Variants in ACAN observed in about 807,000 individuals in gnomAD.
The protein encoded by ACAN is aggrecan core protein.
ACAN carries 47 observed loss-of-function variants against 169.1 expected under a neutral mutation model. The ratio of observed to expected loss-of-function variants is 0.28; its 90% CI spans 0.22 to 0.35. ACAN has a LOEUF of 0.35. ACAN is among the 10% of genes least tolerant of loss of function. The pLI is 1.00. For missense variants in ACAN, 2,716 were observed against 2,759.9 expected, an observed-to-expected ratio of 0.98 and a Z score of 0.36; for synonymous variants, 1,115 against 1,112.2, an observed-to-expected ratio of 1.00 and a Z score of -0.05.
Position 88,858,806 on chromosome 15 carries a change from C to T in ACAN, c.6221C>T (p.Ser2074Phe). The change falls in exon 12 of 19, where the codon TCC (serine) becomes TTC (phenylalanine). Residue 2074 changes from serine (S) to phenylalanine (F), a missense_variant. Around this residue, in one of 3 missense-constraint regions of ACAN, gnomAD observed 1,389 missense variants for 1,363.7 expected, o/e 1.02. Transcript: ENST00000560601. This position sits in a 1 kb window ranked among gnomAD's most constrained non-coding sequence, Gnocchi z 4.0. ...PQLFESSGKVSTAGDISGATP... is the reference protein window; with the variant it reads ...PQLFESSGKVFTAGDISGATP... The stretch of plus-strand genomic sequence containing the variant: ...CTTTTTGAGTCCAGTGGAAAAGTCT[C>T]CACAGCTGGGGACATTAGTGGAGCT... The T allele has an allele frequency of 1.2e-6, 2 of 1,613,868 alleles. No individual in the cohort carries two copies. Among genetic ancestry groups the T allele is most frequent in the African/African-American group, 1.3e-5 (1 of 75,048 alleles).
chr15:88,839,293 C>A lies in ACAN; in HGVS notation c.454+247C>A, dbSNP rs1896589717. Among the ~76,000 whole-genome samples the A allele has an allele frequency of 6.6e-6, 1 of 152,218 alleles. No homozygotes were observed. The highest frequency in any genetic ancestry group is 2.1e-4 in the South Asian group (1 of 4,830). ...CTGACAGTTTGTGCTTCCCAAGAAT[C>A]CTGTGATCCGGTGGGTCTTGTGATC... is the stretch of plus-strand genomic sequence containing the variant. On this transcript the variant is annotated intron_variant, in intron 3 of 18. Transcript: ENST00000560601. This position sits in a 1 kb window ranked among gnomAD's most constrained non-coding sequence, Gnocchi z 4.5.
intron 1 of ACAN, among the ~76,000 whole-genome samples, chr15:88,815,688 C>T (rs576571007): frequency 4.1e-3 from 577 of 139,744 alleles, no homozygotes; most frequent in Non-Finnish European, 6.7e-3. Flanking sequence ...AAAGAAGGAG[C>T]CATTGAGATC....
rs137862732 is a variant in ACAN, at chr15:88,830,045, G to T, written c.-7-6155G>T. Among the ~76,000 whole-genome samples the T allele has an allele frequency of 4.3e-4, 65 of 150,556 alleles. 1 individual carries two copies. The East Asian group carries it at 0.012, about 28-fold the overall frequency. The stretch of plus-strand genomic sequence containing the variant: ...GAGGTTTCAGGGAGGAGGCCTGCAG[G>T]ATCTGGGAGAGGAGGGTGGGCGTTC... On this transcript the variant is annotated intron_variant, in intron 1 of 18. Transcript: ENST00000560601.
At chr15:88,815,700 G>C (rs544064871) in intron 1 of ACAN, among the ~76,000 whole-genome samples, 12 of 129,158 alleles carry the variant, frequency 9.3e-5, no homozygotes, top group Admixed American at 4.9e-4. Context: ...ATTGAGATCA[G>C]ACATAGGAAA....
chr15:88,806,103 A>G (rs1282409055), intron 1 of ACAN, among the ~76,000 whole-genome samples: 2 of 152,194 alleles, frequency 1.3e-5, no homozygotes, highest in East Asian at 3.8e-4. Flanking sequence ...AAGGGTACTG[A>G]GCCTCCCAGA....
At position 88,868,396 on chromosome 15, in the gene ACAN, C is replaced by T. The variant is rs1897315327; in HGVS notation, c.7060+67C>T. ...ACCCCCTCCTCCTCCCTCACCTTTC[C>T]CTCCTAACAACAGGCTCCAGGCCCT... On this transcript the variant is annotated intron_variant, in intron 14 of 18. Coordinates refer to ENST00000560601, the MANE Select transcript of ACAN (RefSeq NM_001369268.1). This position sits in a 1 kb window ranked among gnomAD's most constrained non-coding sequence, Gnocchi z 5.2. 5 of 673,446 alleles carry T rather than the reference C, an allele frequency of 7.4e-6. No individual in the cohort carries two copies. Among genetic ancestry groups the T allele is most frequent in the African/African-American group, 1.8e-5 (1 of 56,710 alleles). 41.7% of individuals were successfully genotyped at this position (673,446 alleles called of 1,614,324 possible).
intron 1 of ACAN, among the ~76,000 whole-genome samples, chr15:88,827,922 C>T (rs1417059600): frequency 1.2e-4 from 19 of 152,128 alleles, no homozygotes; most frequent in Admixed American, 1.2e-3. Flanking sequence ...TGTCTGACTC[C>T]CAATCATGCT....
intron 11 of ACAN, among the ~76,000 whole-genome samples, chr15:88,854,243 G>GC (rs1343586175): frequency 6.6e-6 from 1 of 152,210 alleles, no homozygotes. Context: ...ACTGAAGTGA[G>GC]CCCCAGCATC....
At position 88,849,787 on chromosome 15, in the gene ACAN, G is replaced by A. The variant is rs773386073; in HGVS notation, c.2026+56G>A. On this transcript the variant is annotated intron_variant, in intron 10 of 18. Coordinates refer to ENST00000560601, the MANE Select transcript of ACAN (RefSeq NM_001369268.1). The surrounding 1 kb of genome is among the most constrained non-coding windows in gnomAD (Gnocchi z 5.1). ...CCTTTTGTCTGGAGAGGACCCCACTGGGTTCACCGGATCCTGCCACCACCC... is the reference window on the plus strand; with the variant it reads ...CCTTTTGTCTGGAGAGGACCCCACTAGGTTCACCGGATCCTGCCACCACCC... 28 of 1,583,146 alleles carry A rather than the reference G, an allele frequency of 1.8e-5. No individual in the cohort carries two copies. The highest frequency in any genetic ancestry group is 2.2e-5 in the Non-Finnish European group (26 of 1,164,224).
intron 1 of ACAN, among the ~76,000 whole-genome samples, chr15:88,816,639 T>A (rs533338538): frequency 6.6e-6 from 1 of 152,342 alleles, no homozygotes; most frequent in Non-Finnish European, 1.5e-5. Context: ...AGTTCATGGT[T>A]GCCTGGCTGT....
rs764597335 is a variant in ACAN at position 88,868,826 on chromosome 15, G to A, written c.7060+497G>A. On this transcript the variant is annotated intron_variant, in intron 14 of 18. Transcript: ENST00000560601. The surrounding 1 kb of genome is among the most constrained non-coding windows in gnomAD (Gnocchi z 5.2). ...GGCAAGAGCTGTGGTTGGTCTGCCTGAGATCTCCCGTGTCATCAGCATGCT... is the reference window on the plus strand; with the variant it reads ...GGCAAGAGCTGTGGTTGGTCTGCCTAAGATCTCCCGTGTCATCAGCATGCT... Among the ~76,000 whole-genome samples, 1 of 152,204 alleles carries A rather than the reference G, an allele frequency of 6.6e-6. No individual in the cohort carries two copies. The highest frequency in any genetic ancestry group is 1.5e-5 in the Non-Finnish European group (1 of 68,044).
Position 88,851,800 on chromosome 15 carries a change from C to A in ACAN, c.2033C>A (p.Ser678Ter). 6.3e-7 allele frequency: 1 copy of A among 1,591,110 alleles called. No homozygotes were observed. ...CCACCCACATCTCCTTTAGGCATTT[C>A]AGCGGTTCCTTCTCCAGGAGAAGAA... ...RHHAFCFRGI[S>*]AVPSPGEEEG... Residue 678 changes from serine to a stop codon, truncating the protein, a stop_gained, in exon 11 of 19, where the codon TCA becomes TAA. Transcript: ENST00000560601. LOFTEE classifies it high-confidence loss of function. This position sits in a 1 kb window ranked among gnomAD's most constrained non-coding sequence, Gnocchi z 4.3.
Position 88,847,555 on chromosome 15 carries a change from C to T in ACAN, c.1604+138C>T, listed in dbSNP as rs1278550710. On this transcript the variant is annotated intron_variant, in intron 8 of 18. Transcript: ENST00000560601. ...GAATGAATTAGTGACTCAACTGAGG[C>T]ATATCCCGAAAGGGTGGTGAAGGGC... The T allele has an allele frequency of 7.2e-6, 8 of 1,103,666 alleles. No homozygotes were observed. The South Asian group carries it at 1.3e-4, about 18-fold the overall frequency. 68.4% of individuals were successfully genotyped at this position (1,103,666 alleles called of 1,614,324 possible).
intron 1 of ACAN, among the ~76,000 whole-genome samples, chr15:88,804,854 G>T (rs1895637564): frequency 1.3e-5 from 2 of 152,326 alleles, no homozygotes; most frequent in South Asian, 4.1e-4. Context: ...GTTCTGTGGG[G>T]CTGGCTGCCA....
Position 88,858,923 on chromosome 15 carries a change from C to T in ACAN, c.6338C>T (p.Ala2113Val), listed in dbSNP as rs1445680518. 9.9e-6 allele frequency: 16 copies of T among 1,608,988 alleles called. No individual in the cohort carries two copies. Among genetic ancestry groups the T allele is most frequent in the Non-Finnish European group, 1.4e-5 (16 of 1,176,430 alleles). Reference protein sequence around the residue: ...TSAYPEAGFGASAAPEASRED... With the variant: ...TSAYPEAGFGVSAAPEASRED... ...GCCTATCCTGAAGCTGGGTTCGGGGCATCTGCCGCCCCTGAGGCCAGCAGA... is the reference window on the plus strand; with the variant it reads ...GCCTATCCTGAAGCTGGGTTCGGGGTATCTGCCGCCCCTGAGGCCAGCAGA... The change falls in exon 12 of 19, where the codon GCA becomes GTA. Residue 2113 changes from alanine (A) to valine (V), a missense_variant. Physicochemically the swap from Ala to Val is moderately conservative, Grantham distance 64 (BLOSUM62 0). This residue lies in a region of ACAN where 1,389 missense variants were observed against 1,363.7 expected (regional missense o/e 1.02). Transcript: ENST00000560601. This position sits in a 1 kb window ranked among gnomAD's most constrained non-coding sequence, Gnocchi z 4.0.
chr15:88,859,049 C>A lies in ACAN; in HGVS notation c.6464C>A (p.Thr2155Lys), dbSNP rs1375084314. The change falls in exon 12 of 19, where the codon ACA becomes AAA. Residue 2155 changes from threonine (T) to lysine (K), a missense_variant. By Grantham distance (78) the Thr-to-Lys change is moderately conservative. Coordinates refer to ENST00000560601, the MANE Select transcript of ACAN (RefSeq NM_001369268.1). Reference protein sequence around the residue: ...SGLGVSGSTLTFQEGEASAAP... With the variant: ...SGLGVSGSTLKFQEGEASAAP... ...CTAGGAGTGAGCGGCAGCACTTTGA[C>A]ATTTCAAGAAGGCGAGGCGTCCGCT... 1.2e-6 allele frequency: 2 copies of A among 1,613,872 alleles called. No homozygotes were observed. The highest frequency in any genetic ancestry group is 1.7e-6 in the Non-Finnish European group (2 of 1,179,912).
intron 13 of ACAN, among the ~76,000 whole-genome samples, chr15:88,862,156 C>T (rs949699812): frequency 5.3e-5 from 8 of 152,298 alleles, no homozygotes; most frequent in African/African-American, 1.4e-4. Context: ...TTCAGGGGAG[C>T]CAGAATGGGG....
intron 10 of ACAN, chr15:88,850,747 C>T (rs1567181905): frequency 6.6e-6 from 1 of 152,076 alleles, no homozygotes. Context: ...CGAGATCAGC[C>T]TGGCCAACAT....
chr15:88,843,589 A>C lies in ACAN; in HGVS notation c.992A>C (p.His331Pro). 6.2e-7 allele frequency: 1 copy of C among 1,605,670 alleles called. No homozygotes were observed. ...NLLGVRTVYV[H>P]ANQTGYPDPS... ...CTGGGCGTGAGGACCGTCTACGTGC[A>C]TGCCAACCAGACGGGCTACCCCGAC... The change falls in exon 6 of 19, where the codon CAT (histidine) becomes CCT (proline). Residue 331 changes from histidine to proline, a missense_variant. Physicochemically the swap from His to Pro is moderately conservative, Grantham distance 77. Coordinates refer to ENST00000560601, the MANE Select transcript of ACAN (RefSeq NM_001369268.1). This position sits in a 1 kb window ranked among gnomAD's most constrained non-coding sequence, Gnocchi z 4.0.
Sources: gnomAD v4.1 joint callset for allele counts (sites outside exome capture counted in the v4.1 genomes callset) on GRCh38, gnomAD v4.1.1 for gene constraint, gnomAD v4.1.1 regional missense constraint, Gnocchi (gnomAD v3.1) non-coding constraint, MANE v1.5 for transcripts, NCBI Gene and HGNC (gene_info 2026-07-23, HGNC 2026-07-21) for gene names.